Variants in USP39 observed in about 807,000 individuals in gnomAD.
The protein encoded by USP39 is ubiquitin specific peptidase 39.
USP39 carries 38 observed loss-of-function variants against 66.4 expected under a neutral mutation model. The observed-to-expected ratio is 0.57, with a 90% CI of 0.44 to 0.75. The LOEUF is 0.75. Among genes scored for constraint, USP39 ranks in the 30% least tolerant of loss-of-function variants. The probability of loss-of-function intolerance (pLI) is 0.00; values close to 1 mark genes in which losing one functional copy is unlikely to be tolerated. For synonymous variants in USP39, 303 were observed against 274.6 expected, an observed-to-expected ratio of 1.10 and a Z score of -1.02; for missense variants, 608 against 714.4, an observed-to-expected ratio of 0.85 and a Z score of 1.70.
At chr2:85,619,326 C>T (rs1178773553) in intron 2 of USP39, 37 bp downstream of exon 2, 1 of 1,602,458 alleles carries the variant, frequency 6.2e-7, no homozygotes, top group Non-Finnish European at 8.5e-7. Context: ...AGCACAAGAA[C>T]AATGGAATCT....
chr2:85,611,406 G>C, upstream of USP39: 1 of 1,497,562 alleles, frequency 6.7e-7, no homozygotes, highest in Non-Finnish European at 8.9e-7. Flanking sequence ...CTAAAATACA[G>C]CACGGTGGGG....
chr2:85,639,621 A>G, intron 9 of USP39: 1 of 367,502 alleles, frequency 2.7e-6, no homozygotes, highest in South Asian at 4.2e-5. Context: ...TGACTGGCTA[A>G]TTTTTTATAT....
At chr2:85,644,808 C>T in intron 10 of USP39, 140 bp from the exon 11 acceptor site, 1 of 1,089,514 alleles carries the variant, frequency 9.2e-7, no homozygotes, top group Non-Finnish European at 1.3e-6. Context: ...CGCACCTGGA[C>T]CTTCTTGACT....
intron 1 of USP39, 88 bp downstream of exon 1, chr2:85,616,551 G>C: frequency 1.0e-6 from 1 of 971,798 alleles, no homozygotes; most frequent in Non-Finnish European, 1.3e-6. Flanking sequence ...AGGTCACTGC[G>C]CCGGAGTTGG....
chr2:85,604,824 C>G (rs1673160278), intron 1 of USP39, among the ~76,000 whole-genome samples: 1 of 152,210 alleles, frequency 6.6e-6, no homozygotes, highest in Admixed American at 6.5e-5. Context: ...GTTTGAGTCC[C>G]TATCCAATCA....
At chr2:85,642,458 G>C (rs1676304325) in intron 10 of USP39, among the ~76,000 whole-genome samples, 1 of 152,202 alleles carries the variant, frequency 6.6e-6, no homozygotes, top group Non-Finnish European at 1.5e-5. Flanking sequence ...TCCAGAGGGA[G>C]GAAGATTGTG....
Position 85,636,053 on chromosome 2 carries a change from G to A in USP39, c.950G>A (p.Gly317Glu), listed in dbSNP as rs1045884040. The change falls in exon 7 of 13, where the codon GGA becomes GAA. Residue 317 changes from glycine (G) to glutamate (E), a missense_variant and splice_region_variant. Around this residue, in one of 6 missense-constraint regions of USP39, gnomAD observed 72 missense variants for 60.1 expected, o/e 1.20. Coordinates refer to ENST00000323701, the MANE Select transcript of USP39 (RefSeq NM_006590.4). The stretch of plus-strand genomic sequence containing the variant: ...TTTTCCACCCTTCCTTTTTTTCCAG[G>A]AGATGGCGTTGACTTTCTGTCTTGG... ...SKKTFQITKQ[G>E]DGVDFLSWFL... 1.9e-6 allele frequency: 3 copies of A among 1,613,986 alleles called. No homozygotes were observed. Among genetic ancestry groups the A allele is most frequent in the Non-Finnish European group, 2.5e-6 (3 of 1,179,934 alleles).
chr2:85,637,276 G>C, intron 7 of USP39, 93 bp from the exon 8 acceptor site: 1 of 1,379,142 alleles, frequency 7.3e-7, no homozygotes, highest in Non-Finnish European at 1.0e-6. Context: ...GCTGGAAGAT[G>C]CTGGTTTATT....
upstream of USP39, chr2:85,612,477 G>A: frequency 9.1e-7 from 1 of 1,104,550 alleles, no homozygotes; most frequent in Non-Finnish European, 1.3e-6. Flanking sequence ...TACCTCAAAT[G>A]GATTGTGAGG....
upstream of USP39, chr2:85,609,344 G>A: frequency 6.6e-7 from 1 of 1,519,832 alleles, no homozygotes; most frequent in East Asian, 2.3e-5. Flanking sequence ...CTTCCCATTG[G>A]GGGTCCTGAG....
intron 9 of USP39, among the ~76,000 whole-genome samples, chr2:85,640,725 G>A (rs1014598773): frequency 1.4e-5 from 2 of 147,658 alleles, no homozygotes; most frequent in East Asian, 2.0e-4. Context: ...CCCCTGCCTC[G>A]GCCTCCTACA....
In USP39 at chr2:85,616,429, C is replaced by T. The variant is rs745805322; in HGVS notation, c.234C>T (p.Val78=). 1.3e-6 allele frequency: 2 copies of T among 1,585,758 alleles called. No individual in the cohort carries two copies. The highest frequency in any genetic ancestry group is 2.3e-5 in the East Asian group (1 of 43,562). Residue 78 remains valine, a synonymous_variant, in exon 1 of 13, where the codon GTC becomes GTT. Coordinates refer to ENST00000323701, the MANE Select transcript of USP39 (RefSeq NM_006590.4). The part of the protein sequence containing the change: ...PFVRVKRERE[V]DEDSEPEREV... ...TGCGGGTGAAGCGGGAGCGCGAGGT[C>T]GATGAGGACTCGGAGCCTGAGCGGG...
intron 10 of USP39, among the ~76,000 whole-genome samples, chr2:85,644,699 AGGTAT>A (rs1676508677): frequency 6.6e-6 from 1 of 151,508 alleles, no homozygotes. Flanking sequence ...TTGGGATTAT[AGGTAT>A]GAGCCACTGC....
intron 6 of USP39, 78 bp downstream of exon 6, chr2:85,631,024 T>G: frequency 6.8e-7 from 1 of 1,466,780 alleles, no homozygotes; most frequent in East Asian, 2.3e-5. Context: ...GCAGTGAATT[T>G]TTTTTTTTGA....
At chr2:85,614,951 G>A (rs888502761), upstream of USP39, among the ~76,000 whole-genome samples, 2 of 151,180 alleles carry the variant, frequency 1.3e-5, no homozygotes, top group African/African-American at 4.9e-5. Context: ...GACATATACC[G>A]CAAGTCAGAA....
chr2:85,609,441 G>C (rs1340826999), upstream of USP39: 39 of 1,614,200 alleles, frequency 2.4e-5, no homozygotes, highest in African/African-American at 2.8e-4. Flanking sequence ...GTACCTGATA[G>C]ACGATAACTG....
intron 2 of USP39, among the ~76,000 whole-genome samples, chr2:85,619,845 CATA>C (rs1674316657): frequency 6.6e-6 from 1 of 151,786 alleles, no homozygotes; most frequent in African/African-American, 2.4e-5. Flanking sequence ...GCCTGGTCAA[CATA>C]ATGAGACCCA....
chr2:85,623,830 T>C, intron 4 of USP39, 48 bp downstream of exon 4: 2 of 1,547,808 alleles, frequency 1.3e-6, no homozygotes, highest in Non-Finnish European at 1.7e-6. Context: ...TAATGAGCCA[T>C]CCCAGGGCTC....
intron 4 of USP39, among the ~76,000 whole-genome samples, chr2:85,624,000 A>G (rs1357540261): frequency 6.6e-6 from 1 of 152,180 alleles, no homozygotes; most frequent in Non-Finnish European, 1.5e-5. Flanking sequence ...TACTTGTAAC[A>G]TTGAGGGCTA....
Sources: allele counts gnomAD v4.1 joint callset (sites outside exome capture counted in the v4.1 genomes callset), GRCh38; gene constraint gnomAD v4.1.1; regional missense constraint gnomAD v4.1.1; transcripts MANE v1.5; gene names NCBI Gene and HGNC (gene_info 2026-07-23, HGNC 2026-07-21).